The following OSBPL7 variants were observed in gnomAD, a reference collection of about 807,000 sequenced individuals.
OSBPL7 encodes oxysterol binding protein like 7.
Under a neutral mutation model 115.8 loss-of-function variants are expected in OSBPL7, and 66 were observed. The observed-to-expected ratio is 0.57, with a 90% CI of 0.47 to 0.70. The LOEUF (loss-of-function observed/expected upper bound fraction) is 0.70. Among genes scored for constraint, OSBPL7 ranks in the 30% least tolerant of loss-of-function variants. OSBPL7 has a pLI of 0.00. For synonymous variants in OSBPL7, 441 were observed against 439.2 expected, an observed-to-expected ratio of 1.00 and a Z score of -0.05; for missense variants, 902 against 1,125.5, an observed-to-expected ratio of 0.80 and a Z score of 2.84.
rs1470325389 is a variant in OSBPL7, at chr17:47,808,307, C to G, written c.2513G>C (p.Gly838Ala). 3.7e-6 allele frequency: 6 copies of G among 1,613,192 alleles called. No homozygotes were observed. Among genetic ancestry groups the G allele is most frequent in the Non-Finnish European group, 5.1e-6 (6 of 1,179,428 alleles). The change falls in exon 23 of 23, where the codon GGG becomes GCG. Residue 838 changes from glycine to alanine, a missense_variant. Physicochemically the swap from Gly to Ala is moderately conservative, Grantham distance 60. Transcript: ENST00000007414. The surrounding 1 kb of genome is among the most constrained non-coding windows in gnomAD (Gnocchi z 6.1). The stretch of plus-strand genomic sequence containing the variant: ...GGGCCAGGGCTACCAGAGCACGGCC[C>G]CATCCATGTTCCCATAGCCTGGCTC... ...RAEPGYGNMD[G>A]AVLW
chr17:47,813,778 C>G lies in OSBPL7; in HGVS notation c.1408G>C (p.Ala470Pro). The change falls in exon 15 of 23, where the codon GCC (alanine) becomes CCC (proline). Residue 470 changes from alanine to proline, a missense_variant. By Grantham distance (27) the Ala-to-Pro change is conservative (BLOSUM62 -1). Coordinates refer to ENST00000007414, the MANE Select transcript of OSBPL7 (RefSeq NM_145798.3). ...CTCACGTCAGCCCCAGGCCCGCTGG[C>G]CGCCGGCAGGCAGCGACGGCGGGGT... ...GPPRRRCLPA[A>P]SGPGADVSLW... is the part of the protein sequence containing the mutation. 6.2e-7 allele frequency: 1 copy of G among 1,612,982 alleles called. No homozygotes were observed. Among genetic ancestry groups the G allele is most frequent in the Non-Finnish European group, 8.5e-7 (1 of 1,179,884 alleles).
intron 16 of OSBPL7, among the ~76,000 whole-genome samples, chr17:47,812,113 C>T (rs1390753302): frequency 1.3e-5 from 2 of 152,192 alleles, no homozygotes; most frequent in Non-Finnish European, 2.9e-5. Context: ...TCCTCTGTCC[C>T]TCATGGTAAA....
In OSBPL7 at chr17:47,808,525, G is replaced by A. The variant is rs763715984; in HGVS notation, c.2420+13C>T. On this transcript the variant is annotated intron_variant, in intron 22 of 22. Transcript: ENST00000007414. The surrounding 1 kb of genome is among the most constrained non-coding windows in gnomAD (Gnocchi z 6.1). ...CATGGGGAGACCCAGGGCGGAGGGCGAGGCCGAGGCACCTGAAGAAGCGAG... is the reference window on the plus strand; with the variant it reads ...CATGGGGAGACCCAGGGCGGAGGGCAAGGCCGAGGCACCTGAAGAAGCGAG... The A allele has an allele frequency of 2.0e-5, 33 of 1,614,072 alleles. No individual in the cohort carries two copies. The highest frequency in any genetic ancestry group is 2.4e-5 in the Non-Finnish European group (28 of 1,180,020).
chr17:47,809,539 G>T (rs984909977), intron 18 of OSBPL7, 61 bp from the exon 19 acceptor site: 8 of 1,571,054 alleles, frequency 5.1e-6, no homozygotes, highest in African/African-American at 1.3e-5. Flanking sequence ...TGAGTCAGGG[G>T]CCTCCTGTCT....
intron 7 of OSBPL7, among the ~76,000 whole-genome samples, chr17:47,817,691 T>A (rs1420407184): frequency 6.6e-6 from 1 of 152,064 alleles, no homozygotes; most frequent in Admixed American, 6.6e-5. Context: ...GAACCCAGCC[T>A]CAAGGACATG....
At chr17:47,814,946 T>A (rs1226450243) in intron 13 of OSBPL7, 2 of 562,150 alleles carry the variant, frequency 3.6e-6, no homozygotes, top group African/African-American at 3.8e-5. Flanking sequence ...TGAGACAGGG[T>A]CATAGGAAGA....
chr17:47,814,720 G>T, intron 13 of OSBPL7, 106 bp from the exon 14 acceptor site: 1 of 976,488 alleles, frequency 1.0e-6, no homozygotes. Context: ...TTGGTGGGAA[G>T]GGGAAGAGAA....
At chr17:47,810,276 G>A (rs1406361923) in intron 18 of OSBPL7, among the ~76,000 whole-genome samples, 1 of 152,170 alleles carries the variant, frequency 6.6e-6, no homozygotes, top group Non-Finnish European at 1.5e-5. Flanking sequence ...GTGTGTGTAT[G>A]TGTACACATT....
chr17:47,810,856 T>C (rs1309416915), intron 16 of OSBPL7, 21 bp from the exon 17 acceptor site: 2 of 1,611,338 alleles, frequency 1.2e-6, no homozygotes, highest in South Asian at 1.1e-5. Context: ...AAAGAAGTTA[T>C]CTTGAGGCTG....
intron 18 of OSBPL7, 50 bp from the exon 19 acceptor site, chr17:47,809,528 G>A (rs2032970182): frequency 6.3e-7 from 1 of 1,583,774 alleles, no homozygotes; most frequent in South Asian, 1.1e-5. Flanking sequence ...CAGGGAACAA[G>A]TGAGTCAGGG....
At chr17:47,815,850 A>T in intron 12 of OSBPL7, 1 of 422,694 alleles carries the variant, frequency 2.4e-6, no homozygotes, top group Non-Finnish European at 4.2e-6. Flanking sequence ...AGATCCTTTG[A>T]GCCTCAGTTT....
Position 47,816,543 on chromosome 17 carries a change from C to A in OSBPL7, c.928+20G>T, listed in dbSNP as rs1287888679. 1 of 1,600,634 alleles carries A rather than the reference C, an allele frequency of 6.2e-7. No homozygotes were observed. The highest frequency in any genetic ancestry group is 8.5e-7 in the Non-Finnish European group (1 of 1,173,556). On this transcript the variant is annotated intron_variant, in intron 10 of 22. Coordinates refer to ENST00000007414, the MANE Select transcript of OSBPL7 (RefSeq NM_145798.3). The surrounding 1 kb of genome is among the most constrained non-coding windows in gnomAD (Gnocchi z 5.8). ...TCGCTCCTGTCCGCTCCCCACCAGC[C>A]CCTCCCAGCAGGCACTTACCCTTCT...
In OSBPL7 at chr17:47,816,618, C is replaced by T. The variant is rs2033226817; in HGVS notation, c.873G>A (p.Leu291=). The T allele has an allele frequency of 1.2e-6, 2 of 1,613,700 alleles. No homozygotes were observed. The highest frequency in any genetic ancestry group is 1.3e-5 in the African/African-American group (1 of 74,922). ...ESRDSSGTRG[L]PPTDYAHLQR... ...GCAGGTGGGCATAGTCTGTGGGTGG[C>T]AGCCCACGGGTGCCCGAGGAGTCCC... Residue 291 remains leucine, a synonymous_variant, in exon 10 of 23, where the codon CTG becomes CTA. Coordinates refer to ENST00000007414, the MANE Select transcript of OSBPL7 (RefSeq NM_145798.3). The surrounding 1 kb of genome is among the most constrained non-coding windows in gnomAD (Gnocchi z 5.8).
Position 47,808,743 on chromosome 17 carries a change from T to C in OSBPL7, c.2298-83A>G. On this transcript the variant is annotated intron_variant, in intron 21 of 22. Transcript: ENST00000007414. The surrounding 1 kb of genome is among the most constrained non-coding windows in gnomAD (Gnocchi z 6.1). ...AGGCCTCTGTCTCTGCCCAACTCTG[T>C]CCTCTAGACAAGCCCCACTTCTCTG... 1 of 1,603,592 alleles carries C rather than the reference T, an allele frequency of 6.2e-7. No homozygotes were observed. The highest frequency in any genetic ancestry group is 1.1e-5 in the South Asian group (1 of 90,056).
chr17:47,813,555 T>C (rs1282512058), intron 15 of OSBPL7, 32 bp downstream of exon 15: 1 of 1,598,384 alleles, frequency 6.3e-7, no homozygotes, highest in South Asian at 1.1e-5. Flanking sequence ...GGAAGCAGCC[T>C]TGGGCTGGGC....
rs1449524988 is a variant in OSBPL7, at chr17:47,813,833, C to G, written c.1353G>C (p.Gly451=). 1 of 1,606,028 alleles carries G rather than the reference C, an allele frequency of 6.2e-7. No individual in the cohort carries two copies. The highest frequency in any genetic ancestry group is 1.1e-5 in the South Asian group (1 of 90,614). ...CCATGGGTCTCCCTGGAACACACCC[C>G]CCTGGGGCCGCCCTGCCATGTCACT... is the stretch of plus-strand genomic sequence containing the variant. ...DLRGAERCQK[G]GCVPGRPMGP... The change falls in exon 15 of 23, where the codon GGG becomes GGC. Residue 451 remains glycine (G), a splice_region_variant and synonymous_variant. Transcript: ENST00000007414.
intron 16 of OSBPL7, among the ~76,000 whole-genome samples, chr17:47,812,970 C>T (rs1445754246): frequency 6.6e-6 from 1 of 152,210 alleles, no homozygotes; most frequent in African/African-American, 2.4e-5. Flanking sequence ...TCTACACCAT[C>T]TAGAAGGAAC....
rs182990387 is a variant in OSBPL7 at position 47,816,167 on chromosome 17, G to A, written c.1059C>T (p.His353=). ...TGGTGTCGGAGGAGGTGGACAGTGAGTGGAGGCGCCTCTGGCCAGTGGAGG... is the reference window on the plus strand; with the variant it reads ...TGGTGTCGGAGGAGGTGGACAGTGAATGGAGGCGCCTCTGGCCAGTGGAGG... ...SEASTGQRRL[H]SLSTSSDTTA... is the part of the protein sequence containing the mutation. Residue 353 remains histidine, a synonymous_variant, in exon 12 of 23, where the codon CAC becomes CAT. Transcript: ENST00000007414. The surrounding 1 kb of genome is among the most constrained non-coding windows in gnomAD (Gnocchi z 5.8). 1.0e-4 allele frequency: 160 copies of A among 1,550,988 alleles called. No individual in the cohort carries two copies. In the East Asian group the frequency reaches 3.9e-3, roughly 38 times the overall value.
rs779838967 is a variant in OSBPL7 at position 47,815,324 on chromosome 17, T to G, written c.1148A>C (p.Glu383Ala). Residue 383 changes from glutamate (E) to alanine (A), a missense_variant, in exon 13 of 23, where the codon GAG (glutamate) becomes GCG (alanine). Glu to Ala is a moderately radical substitution (Grantham distance 107). Coordinates refer to ENST00000007414, the MANE Select transcript of OSBPL7 (RefSeq NM_145798.3). Reference protein sequence around the residue: ...EQEALYMKGRELTPQLSQTSI... With the variant: ...EQEALYMKGRALTPQLSQTSI... Reference sequence around the variant, plus strand: ...GGTCTGCGATAGCTGGGGGGTGAGCTCGCGCCCCTTCATGTACAGAGCTTC... The same window carrying G: ...GGTCTGCGATAGCTGGGGGGTGAGCGCGCGCCCCTTCATGTACAGAGCTTC... The G allele has an allele frequency of 6.2e-7, 1 of 1,613,828 alleles. No individual in the cohort carries two copies. Among genetic ancestry groups the G allele is most frequent in the Non-Finnish European group, 8.5e-7 (1 of 1,179,956 alleles).
Sources: gnomAD v4.1 joint callset for allele counts (sites outside exome capture counted in the v4.1 genomes callset) on GRCh38, gnomAD v4.1.1 for gene constraint, Gnocchi (gnomAD v3.1) non-coding constraint, MANE v1.5 for transcripts, NCBI Gene and HGNC (gene_info 2026-07-23, HGNC 2026-07-21) for gene names.